CALCA: variants seen among roughly 807,000 people sequenced by gnomAD.
CALCA encodes calcitonin related polypeptide alpha, also known as calcitonin.
CALCA carries 4 observed loss-of-function variants against 6.9 expected under a neutral mutation model. The ratio of observed to expected loss-of-function variants is 0.58; its 90% CI spans 0.29 to 1.33. The LOEUF (loss-of-function observed/expected upper bound fraction) is 1.33. Ranked by LOEUF, CALCA falls within the 40% of genes most tolerant of loss-of-function variation. The pLI, the probability that CALCA is intolerant of heterozygous loss-of-function variation, is 0.09. For missense variants in CALCA, 174 were observed against 178.3 expected (o/e 0.98, Z 0.14); for synonymous variants, 78 against 70.0 (o/e 1.11, Z -0.57).
chr11:14,969,923 G>A lies in CALCA; in HGVS notation c.227+12C>T. On this transcript the variant is annotated intron_variant, in intron 3 of 3. Coordinates refer to ENST00000331587, the MANE Select transcript of CALCA (RefSeq NM_001741.3). Reference sequence around the variant, plus strand: ...AGAGGAGGCCCTGTGCTGAGCGCTTGGGGAGCCTCACCTGGAGCCCTCTCT... The same window carrying A: ...AGAGGAGGCCCTGTGCTGAGCGCTTAGGGAGCCTCACCTGGAGCCCTCTCT... 6.2e-7 allele frequency: 1 copy of A among 1,612,476 alleles called. No homozygotes were observed. Among genetic ancestry groups the A allele is most frequent in the African/African-American group, 1.3e-5 (1 of 74,982 alleles).
In CALCA at chr11:14,969,003, G is replaced by C. The variant is rs781986365; in HGVS notation, c.228-6C>G. ...TAGATCTGGGGCTGTCCAGGCTGCA[G>C]GGAAAACACATACCAGACAGTACCA... On this transcript the variant is annotated splice_polypyrimidine_tract_variant and splice_region_variant and intron_variant, in intron 3 of 3. Coordinates refer to ENST00000331587, the MANE Select transcript of CALCA (RefSeq NM_001741.3). 8 of 1,612,578 alleles carry C rather than the reference G, an allele frequency of 5.0e-6. No homozygotes were observed. Among genetic ancestry groups the C allele is most frequent in the Non-Finnish European group, 5.9e-6 (7 of 1,179,590 alleles).
chr11:14,967,621 C>T (rs1348606887), downstream of CALCA: 2 of 1,599,284 alleles, frequency 1.3e-6, no homozygotes, highest in East Asian at 4.5e-5. Context: ...GGTTTTACAC[C>T]CCTGTAAAAA....
At chr11:14,971,070 C>A (rs368386410) in intron 2 of CALCA, 37 bp downstream of exon 2, 10 of 1,559,988 alleles carry the variant, frequency 6.4e-6, no homozygotes, top group African/African-American at 1.4e-5. Flanking sequence ...ATGGAATTGT[C>A]TGATACCAGT....
chr11:14,969,130 T>C, intron 3 of CALCA, 133 bp from the exon 4 acceptor site: 1 of 786,798 alleles, frequency 1.3e-6, no homozygotes, highest in Admixed American at 2.0e-5. Flanking sequence ...CACTTATCTA[T>C]CCTTCATTAG....
chr11:14,968,115 T>A (rs1715384826), downstream of CALCA: 8 of 551,046 alleles, frequency 1.5e-5, no homozygotes, highest in Admixed American at 3.1e-5. Context: ...TGTGGAGCAG[T>A]AACAGCCAAT....
In CALCA at chr11:14,970,135, T is replaced by C. The variant is rs1361421565; in HGVS notation, c.87-60A>G. 3.7e-6 allele frequency: 6 copies of C among 1,601,434 alleles called. No individual in the cohort carries two copies. In the African/African-American group the frequency reaches 4.0e-5, roughly 11 times the overall value. On this transcript the variant is annotated intron_variant, in intron 2 of 3. Coordinates refer to ENST00000331587, the MANE Select transcript of CALCA (RefSeq NM_001741.3). Reference sequence around the variant, plus strand: ...AGCCCCTGCCTGCCCCTCCCCAGGATAAGCAGCCAGGCTTCCTGGTCTTTG... The same window carrying C: ...AGCCCCTGCCTGCCCCTCCCCAGGACAAGCAGCCAGGCTTCCTGGTCTTTG...
chr11:14,968,346 G>A (rs1308401806), downstream of CALCA: 22 of 709,816 alleles, frequency 3.1e-5, no homozygotes, highest in Admixed American at 9.1e-4. Flanking sequence ...CTGCTCCTTA[G>A]GACCCCTGTT....
In CALCA at chr11:14,971,091, C is replaced by T. The variant is rs377312553; in HGVS notation, c.86+16G>A. 877 of 1,607,608 alleles carry T rather than the reference C, an allele frequency of 5.5e-4. 1 individual carries two copies. Among genetic ancestry groups the T allele is most frequent in the Admixed American group, 1.6e-3 (95 of 60,014 alleles). On this transcript the variant is annotated intron_variant, in intron 2 of 3. Coordinates refer to ENST00000331587, the MANE Select transcript of CALCA (RefSeq NM_001741.3). ...TTGTCTGATACCAGTGTGGTTCTGG[C>T]TTCAGGCTGTCTTACCTGAATGGTG...
downstream of CALCA, chr11:14,968,104 A>G (rs1849499148): frequency 1.8e-6 from 1 of 567,476 alleles, no homozygotes; most frequent in Non-Finnish European, 3.1e-6. Context: ...TGGCTATGGA[A>G]TGTGGAGCAG....
rs1287738371 is a variant in CALCA, at chr11:14,968,686, C to T, written c.*113G>A. The stretch of plus-strand genomic sequence containing the variant: ...ATCTGAAGTTTGAGACATCCTCTGC[C>T]ACAAGGAAAGCCACCAATACCAGCC... On this transcript the variant is annotated 3_prime_UTR_variant, in exon 4 of 4. Coordinates refer to ENST00000331587, the MANE Select transcript of CALCA (RefSeq NM_001741.3). 27 of 1,610,326 alleles carry T rather than the reference C, an allele frequency of 1.7e-5. No individual in the cohort carries two copies. Among genetic ancestry groups the T allele is most frequent in the Non-Finnish European group, 2.2e-5 (26 of 1,178,650 alleles).
downstream of CALCA, chr11:14,966,688 AT>A (rs112818874): frequency 0.059 from 8,988 of 152,522 alleles, 696 homozygotes; most frequent in African/African-American, 0.18. Flanking sequence ...TAGAAAATAC[AT>A]TTTTAATTTT....
intron 3 of CALCA, among the ~76,000 whole-genome samples, 169 bp from the exon 4 acceptor site, chr11:14,969,166 G>C (rs1207398601): frequency 1.3e-5 from 2 of 152,134 alleles, no homozygotes; most frequent in Non-Finnish European, 2.9e-5. Context: ...CAGTGGGCTA[G>C]GGCAATGCAG....
In CALCA at chr11:14,968,951, T is replaced by G. The variant is rs1237570565; in HGVS notation, c.274A>C (p.Met92Leu). ...SKRCGNLSTC[M>L]LGTYTQDFNK... ...AAGTCCTGCGTGTATGTGCCCAGCA[T>G]GCAAGTACTCAGATTACCGCACCGC... is the stretch of plus-strand genomic sequence containing the variant. Residue 92 changes from methionine to leucine, a missense_variant, in exon 4 of 4, where the codon ATG becomes CTG. Met to Leu is a conservative substitution (Grantham distance 15). Transcript: ENST00000331587. 1 of 1,613,870 alleles carries G rather than the reference T, an allele frequency of 6.2e-7. No homozygotes were observed. Among genetic ancestry groups the G allele is most frequent in the Non-Finnish European group, 8.5e-7 (1 of 1,180,044 alleles).
Position 14,968,878 on chromosome 11 carries a change from G to A in CALCA, c.347C>T (p.Pro116Leu). 6.2e-7 allele frequency: 1 copy of A among 1,614,192 alleles called. No individual in the cohort carries two copies. Among genetic ancestry groups the A allele is most frequent in the Non-Finnish European group, 8.5e-7 (1 of 1,180,042 alleles). The change falls in exon 4 of 4, where the codon CCT becomes CTT. Residue 116 changes from proline to leucine, a missense_variant. By Grantham distance (98) the Pro-to-Leu change is moderately conservative (BLOSUM62 -3). Coordinates refer to ENST00000331587, the MANE Select transcript of CALCA (RefSeq NM_001741.3). ...GCTGGACATATCCCTTTTCTTTCCA[G>A]GTGCTCCAACCCCAATTGCAGTTTG... ...FPQTAIGVGA[P>L]GKKRDMSSDL...
downstream of CALCA, chr11:14,968,207 C>T (rs1849501478): frequency 2.8e-6 from 1 of 355,030 alleles, no homozygotes; most frequent in African/African-American, 2.1e-5. Flanking sequence ...CAGCCCCATT[C>T]ACAAAGGACT....
downstream of CALCA, among the ~76,000 whole-genome samples, chr11:14,967,506 A>T (rs1849483098): frequency 6.6e-6 from 1 of 152,300 alleles, no homozygotes; most frequent in South Asian, 2.1e-4. Flanking sequence ...AAAAACAGAG[A>T]TGAATCCAAA....
At chr11:14,967,870 G>T (rs1238858767), downstream of CALCA, 1 of 1,614,144 alleles carries the variant, frequency 6.2e-7, no homozygotes, top group East Asian at 2.2e-5. Flanking sequence ...TTGCAGGATG[G>T]AGAAAGAAGA....
chr11:14,969,851 G>A (rs1830740103), intron 3 of CALCA, 84 bp downstream of exon 3: 2 of 1,600,830 alleles, frequency 1.2e-6, no homozygotes, highest in African/African-American at 2.7e-5. Context: ...TGGCCAGTGT[G>A]TTCTCTCCTA....
Position 14,972,230 on chromosome 11 carries a change from G to A in CALCA, c.-10+15C>T, listed in dbSNP as rs2644690. 0.99 allele frequency: 151,492 copies of A among 153,690 alleles called. 74,721 individuals are homozygous for A. The highest frequency in any genetic ancestry group is 1 in the East Asian group (5,176 of 5,176). The allele number at this position is 153,690 out of a possible 1,614,324, so 9.5% of individuals were successfully genotyped here. ...AGGGAGAGACATATACCTGAGCCAG[G>A]ATCTCGGGGCTCACCTGGCGGGAGG... is the stretch of plus-strand genomic sequence containing the variant. On this transcript the variant is annotated intron_variant, in intron 1 of 3. Coordinates refer to ENST00000331587, the MANE Select transcript of CALCA (RefSeq NM_001741.3).
Sources: allele counts gnomAD v4.1 joint callset (sites outside exome capture counted in the v4.1 genomes callset), GRCh38; gene constraint gnomAD v4.1.1; transcripts MANE v1.5; gene names NCBI Gene and HGNC (gene_info 2026-07-23, HGNC 2026-07-21).